The following RBFOX1 variants were observed in gnomAD, a reference collection of about 807,000 sequenced individuals.
RBFOX1 encodes RNA binding protein fox-1 homolog 1.
RBFOX1 carries 8 observed loss-of-function variants against 57.7 expected under a neutral mutation model. The observed-to-expected ratio is 0.14, with a 90% CI of 0.08 to 0.25. The LOEUF is 0.25. Ranked by LOEUF, RBFOX1 falls within the 10% of genes least tolerant of loss-of-function variation. The pLI, the probability that RBFOX1 is intolerant of heterozygous loss-of-function variation, is 1.00. For missense variants in RBFOX1, 611 were observed against 548.5 expected, an observed-to-expected ratio of 1.11 and a Z score of -1.14; for synonymous variants, 326 against 222.4, an observed-to-expected ratio of 1.47 and a Z score of -4.15.
intron 4 of RBFOX1, among the ~76,000 whole-genome samples, chr16:7,058,271 G>A (rs2053102762): frequency 6.6e-6 from 1 of 152,124 alleles, no homozygotes; most frequent in African/African-American, 2.4e-5. Context: ...AATCAGAAAT[G>A]CTCAGTTTAA....
intron 3 of RBFOX1, among the ~76,000 whole-genome samples, chr16:6,937,028 C>T (rs2077484268): frequency 1.3e-5 from 2 of 151,604 alleles, no homozygotes; most frequent in South Asian, 4.2e-4. Flanking sequence ...ACCAGCATTG[C>T]ACATGTATAC....
intron 3 of RBFOX1, among the ~76,000 whole-genome samples, chr16:6,962,785 A>G (rs2083296376): frequency 6.6e-6 from 1 of 152,122 alleles, no homozygotes; most frequent in Admixed American, 6.6e-5. Context: ...AGATCACTTG[A>G]GCCCAGGAGA....
At chr16:7,289,205 A>C (rs550029402) in intron 4 of RBFOX1, among the ~76,000 whole-genome samples, 6 of 152,316 alleles carry the variant, frequency 3.9e-5, no homozygotes, top group African/African-American at 1.4e-4. Flanking sequence ...TTCCTTAGTC[A>C]AACACTAGAG....
intron 1 of RBFOX1, among the ~76,000 whole-genome samples, chr16:5,315,861 C>T (rs967836786): frequency 2.6e-5 from 4 of 152,116 alleles, no homozygotes; most frequent in South Asian, 2.1e-4. Context: ...AGCCTGTAGA[C>T]GCACCCTGAT....
At chr16:6,261,347 GTTGT>G (rs1251715606) in intron 1 of RBFOX1, among the ~76,000 whole-genome samples, 1 of 152,200 alleles carries the variant, frequency 6.6e-6, no homozygotes, top group Non-Finnish European at 1.5e-5. Flanking sequence ...CTTGAGGAAG[GTTGT>G]TTTTTTCTCT....
intron 3 of RBFOX1, among the ~76,000 whole-genome samples, chr16:6,922,244 A>T (rs1410364604): frequency 1.3e-5 from 2 of 152,130 alleles, no homozygotes; most frequent in East Asian, 1.9e-4. Context: ...TCGATCTCAG[A>T]AAGACCTGAG....
chr16:7,450,254 C>T (rs992575481), intron 4 of RBFOX1, among the ~76,000 whole-genome samples: 53 of 151,946 alleles, frequency 3.5e-4, no homozygotes, highest in African/African-American at 1.3e-3. Context: ...ATTAGCTGGG[C>T]ATGGTGACAT....
At chr16:6,957,513 A>G (rs1432116146) in intron 3 of RBFOX1, among the ~76,000 whole-genome samples, 1 of 151,864 alleles carries the variant, frequency 6.6e-6, no homozygotes, top group Non-Finnish European at 1.5e-5. Flanking sequence ...ATAAACTTTC[A>G]CCGTGCTGGG....
chr16:5,765,136 T>G (rs1483618304), intron 3 of RBFOX1, among the ~76,000 whole-genome samples: 1 of 152,148 alleles, frequency 6.6e-6, no homozygotes, highest in Admixed American at 6.5e-5. Flanking sequence ...AGCCCTTGGG[T>G]GGGAGCTGGG....
intron 4 of RBFOX1, among the ~76,000 whole-genome samples, chr16:5,910,332 C>T (rs1451139378): frequency 2.0e-5 from 3 of 152,110 alleles, no homozygotes; most frequent in Non-Finnish European, 4.4e-5. Context: ...CTCCATAGCA[C>T]CCCAAATTCA....
intron 2 of RBFOX1, among the ~76,000 whole-genome samples, chr16:5,509,824 G>A (rs2151719222): frequency 6.6e-6 from 1 of 152,316 alleles, no homozygotes. Context: ...AGGGCTTAGT[G>A]ATGGGTATAT....
chr16:7,705,951 G>A (rs1420893657), intron 14 of RBFOX1, among the ~76,000 whole-genome samples: 2 of 152,218 alleles, frequency 1.3e-5, no homozygotes, highest in African/African-American at 4.8e-5. Context: ...GATGCATGGT[G>A]TGGAGGATGA....
intron 1 of RBFOX1, among the ~76,000 whole-genome samples, chr16:6,292,097 T>G (rs1347677611): frequency 6.6e-6 from 1 of 152,072 alleles, no homozygotes; most frequent in Non-Finnish European, 1.5e-5. Flanking sequence ...AAGGTGTAAT[T>G]GATAAAGAAA....
chr16:6,082,458 C>T lies in RBFOX1; in HGVS notation c.-127+62466C>T, dbSNP rs113821698. On this transcript the variant is annotated intron_variant, in intron 1 of 15. Transcript: ENST00000550418. ...TGCTGGGATTACAGGTTTGAGCCAC[C>T]GTGCCCAGCCTCCAGTGCATTTTAG... 1.5e-3 allele frequency among the ~76,000 whole-genome samples: 218 copies of T among 146,806 alleles called. 1 individual carries two copies. The highest frequency in any genetic ancestry group is 4.8e-3 in the African/African-American group (192 of 40,002).
At chr16:6,601,307 C>T (rs1169518664) in intron 2 of RBFOX1, among the ~76,000 whole-genome samples, 1 of 152,122 alleles carries the variant, frequency 6.6e-6, no homozygotes, top group Non-Finnish European at 1.5e-5. Flanking sequence ...AAGCTTCTTA[C>T]ACTCTCCCCT....
At chr16:6,291,396 G>C (rs187216671) in intron 1 of RBFOX1, among the ~76,000 whole-genome samples, 1 of 152,146 alleles carries the variant, frequency 6.6e-6, no homozygotes, top group South Asian at 2.1e-4. Context: ...GGTGGAGGCC[G>C]CAGGGACGGA....
At chr16:7,460,199 C>T (rs914635942) in intron 4 of RBFOX1, among the ~76,000 whole-genome samples, 1 of 151,338 alleles carries the variant, frequency 6.6e-6, no homozygotes, top group African/African-American at 2.4e-5. Flanking sequence ...ATTATAGCTG[C>T]CATTGCTCCA....
chr16:5,726,077 A>G (rs1321640490), intron 3 of RBFOX1, among the ~76,000 whole-genome samples: 2 of 151,010 alleles, frequency 1.3e-5, no homozygotes, highest in Admixed American at 6.6e-5. Flanking sequence ...CTCCACTTTT[A>G]TTATTATTTT....
intron 4 of RBFOX1, among the ~76,000 whole-genome samples, chr16:5,900,723 C>T (rs1174383914): frequency 1.3e-5 from 2 of 152,116 alleles, no homozygotes; most frequent in Non-Finnish European, 2.9e-5. Context: ...GACCTGGCGG[C>T]CAGCTTCGAG....
Sources: allele counts gnomAD v4.1 joint callset (sites outside exome capture counted in the v4.1 genomes callset), GRCh38; gene constraint gnomAD v4.1.1; transcripts MANE v1.5; gene names NCBI Gene and HGNC (gene_info 2026-07-23, HGNC 2026-07-21).